The following DNAH6 variants were observed in gnomAD, a reference collection of about 807,000 sequenced individuals.
DNAH6 encodes dynein axonemal heavy chain 6, also known as axonemal beta dynein heavy chain 6.
Under a neutral mutation model 491.4 loss-of-function variants are expected in DNAH6, and 340 were observed. The ratio of observed to expected loss-of-function variants is 0.69; its 90% CI spans 0.63 to 0.76. The LOEUF is 0.76. Among genes scored for constraint, DNAH6 ranks in the 30% least tolerant of loss-of-function variants. The probability of loss-of-function intolerance (pLI) is 0.00; values close to 1 mark genes in which losing one functional copy is unlikely to be tolerated. For synonymous variants in DNAH6, 1,603 were observed against 1,686.1 expected (o/e 0.95, Z 1.21); for missense variants, 4,443 against 4,972.2 (o/e 0.89, Z 3.20).
chr2:84,495,378 G>A, the DNAH6 span, among the ~76,000 whole-genome samples: 2 of 152,134 alleles, frequency 1.3e-5, no homozygotes, highest in African/African-American at 2.4e-5. Flanking sequence ...GGCCAGGCTG[G>A]TCTCGAACTC....
At chr2:84,717,354 A>C (rs563149988) in intron 58 of DNAH6, among the ~76,000 whole-genome samples, 1 of 152,350 alleles carries the variant, frequency 6.6e-6, no homozygotes, top group South Asian at 2.1e-4. Context: ...TTTATATAAT[A>C]ATTTCAAGGT....
intron 55 of DNAH6, among the ~76,000 whole-genome samples, chr2:84,709,756 C>T (rs577411372): frequency 1.3e-5 from 2 of 152,258 alleles, no homozygotes; most frequent in African/African-American, 2.4e-5. Flanking sequence ...GAAGTGCTCC[C>T]GTACTTGATT....
Position 84,699,744 on chromosome 2 carries a change from A to G in DNAH6, c.7818+10A>G, listed in dbSNP as rs545917293. 1.9e-6 allele frequency: 3 copies of G among 1,548,848 alleles called. No homozygotes were observed. The highest frequency in any genetic ancestry group is 2.7e-5 in the African/African-American group (2 of 73,070). On this transcript the variant is annotated intron_variant, in intron 48 of 76. Transcript: ENST00000389394. ...TGACTGGTTTGTGCAGGTTGGTGAC[A>G]TCCCAGGATATCTCTTTGAGAAGTT...
At chr2:84,698,789 G>A (rs1406828239) in intron 47 of DNAH6, among the ~76,000 whole-genome samples, 2 of 152,138 alleles carry the variant, frequency 1.3e-5, no homozygotes, top group South Asian at 2.1e-4. Context: ...ACCAACTCAG[G>A]TGCCCATCAG....
At chr2:84,577,432 AT>A (rs1682569407) in intron 13 of DNAH6, 24 bp downstream of exon 13, 3 of 1,504,724 alleles carry the variant, frequency 2.0e-6, no homozygotes, top group Non-Finnish European at 2.7e-6. Flanking sequence ...AGAAAAAAAA[AT>A]AATTATTCCT....
intron 40 of DNAH6, among the ~76,000 whole-genome samples, chr2:84,676,257 C>G (rs372950291): frequency 6.6e-6 from 1 of 152,186 alleles, no homozygotes; most frequent in Non-Finnish European, 1.5e-5. Context: ...TTTTCAGCTC[C>G]CATGCTGTAA....
intron 29 of DNAH6, among the ~76,000 whole-genome samples, chr2:84,631,424 C>A (rs1201820380): frequency 1.3e-5 from 2 of 152,104 alleles, no homozygotes; most frequent in Non-Finnish European, 2.9e-5. Flanking sequence ...TGTGTCCCCT[C>A]AAAATATGTT....
In DNAH6 at chr2:84,709,462, G is replaced by T; in HGVS notation, c.9168G>T (p.Leu3056=). Residue 3056 remains leucine, a synonymous_variant, in exon 55 of 77, where the codon CTG becomes CTT. Transcript: ENST00000389394. ...TACGGCAGTGGAACACTGATGGGCT[G>T]CCCCGTGACTTGATATCAACAGAAA... The part of the protein sequence containing the change: ...YEIRQWNTDG[L]PRDLISTENG... The T allele has an allele frequency of 6.4e-7, 1 of 1,551,698 alleles. No homozygotes were observed. Among genetic ancestry groups the T allele is most frequent in the South Asian group, 1.2e-5 (1 of 84,044 alleles).
At chr2:84,659,249 G>T (rs1166584143) in intron 37 of DNAH6, 80 bp downstream of exon 37, 10 of 845,090 alleles carry the variant, frequency 1.2e-5, no homozygotes, top group Non-Finnish European at 1.6e-5. Flanking sequence ...AAAAGCTTTA[G>T]TTCTATTGAA....
At chr2:84,478,534 A>G in the DNAH6 span, among the ~76,000 whole-genome samples, 1 of 152,198 alleles carries the variant, frequency 6.6e-6, no homozygotes, top group African/African-American at 2.4e-5. Flanking sequence ...AGGAATGTCA[A>G]GAACTTTGAC....
chr2:84,606,886 T>C, intron 20 of DNAH6, 90 bp from the exon 21 acceptor site: 1 of 1,376,558 alleles, frequency 7.3e-7, no homozygotes, highest in Admixed American at 2.1e-5. Flanking sequence ...GAGTTGACTT[T>C]TAAGTAGACA....
the DNAH6 span, among the ~76,000 whole-genome samples, chr2:84,510,601 G>T: frequency 6.6e-6 from 1 of 152,166 alleles, no homozygotes; most frequent in South Asian, 2.1e-4. Flanking sequence ...ATCCAGCTTT[G>T]TTCCATTGCT....
intron 10 of DNAH6, among the ~76,000 whole-genome samples, chr2:84,555,570 T>A (rs1444926855): frequency 6.6e-6 from 1 of 152,220 alleles, no homozygotes; most frequent in Non-Finnish European, 1.5e-5. Context: ...TATATCTATA[T>A]CTACCTATCT....
In DNAH6 at chr2:84,664,843, TG is replaced by T. The variant is rs568769758; in HGVS notation, c.6085-4444del. Among the ~76,000 whole-genome samples the T allele has an allele frequency of 2.3e-3, 356 of 152,314 alleles. 1 individual carries two copies. The highest frequency in any genetic ancestry group is 4.5e-3 in the Non-Finnish European group (305 of 68,010). ...CTTATTCCAAAATTGGCCACATAGG[TG>T]GAAGTAAAGCACTCCTCAACAAATG... On this transcript the variant is annotated intron_variant, in intron 37 of 76. Transcript: ENST00000389394.
chr2:84,684,968 A>T (rs1316958194), intron 42 of DNAH6, among the ~76,000 whole-genome samples: 1 of 152,212 alleles, frequency 6.6e-6, no homozygotes, highest in Non-Finnish European at 1.5e-5. Flanking sequence ...GTTGCAAGAT[A>T]AGTAAATATA....
chr2:84,622,911 C>A (rs1363707777), intron 26 of DNAH6, among the ~76,000 whole-genome samples: 1 of 152,078 alleles, frequency 6.6e-6, no homozygotes, highest in African/African-American at 2.4e-5. Context: ...TTTTGATTTG[C>A]ATTTCCCTTA....
chr2:84,777,679 A>G (rs1676280239), intron 64 of DNAH6: 1 of 814,566 alleles, frequency 1.2e-6, no homozygotes, highest in Non-Finnish European at 2.2e-6. Flanking sequence ...CACGTTCCCC[A>G]AGGACCTACC....
At chr2:84,477,868 A>G in the DNAH6 span, among the ~76,000 whole-genome samples, 6 of 152,346 alleles carry the variant, frequency 3.9e-5, no homozygotes, top group African/African-American at 1.2e-4. Flanking sequence ...CACCCAGGCA[A>G]TCTGACTCTG....
Position 84,637,219 on chromosome 2 carries a change from T to A in DNAH6, c.4663T>A (p.Phe1555Ile), listed in dbSNP as rs1364693493. ...RNAKAAKLSR[F>I]MFEGREIKLV... ...TTTTATCTTCGAACAGCTCTCTAGA[T>A]TCATGTTTGAGGGGCGGGAAATAAA... The change falls in exon 31 of 77, where the codon TTC (phenylalanine) becomes ATC (isoleucine). Residue 1555 changes from phenylalanine (F) to isoleucine (I), a missense_variant. Physicochemically the swap from Phe to Ile is conservative, Grantham distance 21. Transcript: ENST00000389394. 1 of 1,544,978 alleles carries A rather than the reference T, an allele frequency of 6.5e-7. No individual in the cohort carries two copies.
Sources: allele counts gnomAD v4.1 joint callset (sites outside exome capture counted in the v4.1 genomes callset), GRCh38; gene constraint gnomAD v4.1.1; transcripts MANE v1.5; gene names NCBI Gene and HGNC (gene_info 2026-07-23, HGNC 2026-07-21).